The following MIB1 variants were observed in gnomAD, a reference collection of about 807,000 sequenced individuals.
MIB1 encodes the protein E3 ubiquitin-protein ligase MIB1.
Under a neutral mutation model 124.5 loss-of-function variants are expected in MIB1, and 278 were observed. The ratio of observed to expected loss-of-function variants is 2.23; its 90% CI spans 2.02 to 2.47. The LOEUF is 2.47. MIB1 is among the 30% of genes most tolerant of loss of function. The probability of loss-of-function intolerance (pLI) is 0.00; values close to 1 mark genes in which losing one functional copy is unlikely to be tolerated. For synonymous variants in MIB1, 446 were observed against 429.4 expected (o/e 1.04, Z -0.48); for missense variants, 957 against 1,254.4 (o/e 0.76, Z 3.58).
upstream of MIB1, among the ~76,000 whole-genome samples, chr18:21,737,360 C>A (rs1168204027): frequency 2.0e-5 from 3 of 152,112 alleles, no homozygotes; most frequent in Non-Finnish European, 2.9e-5. Context: ...CCAGGCCTGC[C>A]TTATAAGAGC....
Position 21,741,526 on chromosome 18 carries a change from C to G in MIB1, c.-58C>G. The stretch of plus-strand genomic sequence containing the variant: ...CCGGGCCCAACTCCCTCACGGGCCC[C>G]CCGGCGGCAGCGGCGGCGGCGGCGG... On this transcript the variant is annotated 5_prime_UTR_variant, in exon 1 of 21. Transcript: ENST00000261537. This position sits in a 1 kb window ranked among gnomAD's most constrained non-coding sequence, Gnocchi z 5.4. The G allele has an allele frequency of 7.9e-7, 1 of 1,267,768 alleles. No individual in the cohort carries two copies. The highest frequency in any genetic ancestry group is 3.3e-5 in the East Asian group (1 of 30,354). 78.5% of individuals were successfully genotyped at this position (1,267,768 alleles called of 1,614,324 possible). A position where few individuals can be genotyped will look rare whatever the true frequency, so the allele number is the denominator to read the frequency against.
chr18:21,739,792 G>C (rs1201239633), upstream of MIB1, among the ~76,000 whole-genome samples: 3 of 151,938 alleles, frequency 2.0e-5, 1 homozygote, highest in African/African-American at 7.3e-5. Flanking sequence ...GTGCGTTCCT[G>C]AGGTCCCAGC....
chr18:21,860,098 CTTTTTTTTTTTTTTTTTTTTT>C (rs398032096), intron 20 of MIB1, among the ~76,000 whole-genome samples: 1 of 26,460 alleles, frequency 3.8e-5, no homozygotes, highest in African/African-American at 1.2e-4. Flanking sequence ...TTCTTTATGT[CTTTTTTTTTTTTTTTTTTTTT>C]TTTTTTAGAG....
upstream of MIB1, among the ~76,000 whole-genome samples, chr18:21,739,587 G>T (rs921035552): frequency 2.0e-5 from 3 of 152,084 alleles, no homozygotes; most frequent in Admixed American, 6.5e-5. Context: ...ACATCAAAAA[G>T]CTTATCCACC....
intron 1 of MIB1, among the ~76,000 whole-genome samples, chr18:21,761,008 A>AT (rs1283848940): frequency 2.6e-5 from 4 of 152,134 alleles, no homozygotes; most frequent in African/African-American, 7.2e-5. Context: ...TAATTGTGGT[A>AT]TTTTTTGTCG....
chr18:21,799,628 T>C (rs546344528), intron 8 of MIB1, among the ~76,000 whole-genome samples: 2 of 152,178 alleles, frequency 1.3e-5, no homozygotes, highest in Admixed American at 6.5e-5. Context: ...TAATTTGATA[T>C]ACATGAATTG....
chr18:21,857,571 C>T (rs1390597204), intron 19 of MIB1, among the ~76,000 whole-genome samples: 2 of 152,190 alleles, frequency 1.3e-5, no homozygotes, highest in African/African-American at 4.8e-5. Flanking sequence ...GGGTGGGACA[C>T]CATATTACAA....
chr18:21,845,760 A>G (rs1275073804), intron 15 of MIB1, among the ~76,000 whole-genome samples: 3 of 152,074 alleles, frequency 2.0e-5, no homozygotes, highest in African/African-American at 7.2e-5. Flanking sequence ...AGTAGCTGGC[A>G]TTGCAGGTGC....
chr18:21,758,752 C>G (rs746695514), intron 1 of MIB1, among the ~76,000 whole-genome samples: 5 of 152,140 alleles, frequency 3.3e-5, no homozygotes, highest in East Asian at 1.9e-4. Context: ...CCAGACTGGT[C>G]TTGAACGCCT....
intron 1 of MIB1, among the ~76,000 whole-genome samples, chr18:21,734,478 T>TTCTCTCTCTCTCTCTC (rs60128500): frequency 6.0e-5 from 9 of 149,106 alleles, no homozygotes; most frequent in African/African-American, 2.2e-4. Context: ...CTCTCTCTCT[T>TTCTCTCTCTCTCTCTC]TCTCTCTCTC....
chr18:21,711,661 C>T (rs1183482410), intron 1 of MIB1, among the ~76,000 whole-genome samples: 5 of 152,196 alleles, frequency 3.3e-5, no homozygotes, highest in South Asian at 2.1e-4. Context: ...CAAGAGCTCA[C>T]GACTTGTGTC....
Position 21,838,359 on chromosome 18 carries a change from T to A in MIB1, c.1830-6T>A, listed in dbSNP as rs2042052441. On this transcript the variant is annotated splice_polypyrimidine_tract_variant and splice_region_variant and intron_variant, in intron 12 of 20. Transcript: ENST00000261537. Reference sequence around the variant, plus strand: ...AATATAGAAATAATGTGAATTTAACTTTCAGTGCAATGCGTGTTTTACTAT... The same window carrying A: ...AATATAGAAATAATGTGAATTTAACATTCAGTGCAATGCGTGTTTTACTAT... 2 of 1,569,526 alleles carry A rather than the reference T, an allele frequency of 1.3e-6. No individual in the cohort carries two copies. The highest frequency in any genetic ancestry group is 1.7e-6 in the Non-Finnish European group (2 of 1,157,906).
intron 6 of MIB1, among the ~76,000 whole-genome samples, chr18:21,783,092 C>T (rs1029001382): frequency 2.6e-5 from 4 of 152,056 alleles, no homozygotes; most frequent in African/African-American, 7.2e-5. Context: ...ATTATTCCTG[C>T]TCTTTTTTGG....
chr18:21,859,066 G>A (rs2042252002), intron 20 of MIB1, among the ~76,000 whole-genome samples: 1 of 152,226 alleles, frequency 6.6e-6, no homozygotes, highest in Non-Finnish European at 1.5e-5. Flanking sequence ...AATGGAACAG[G>A]TTATTGTTTG....
intron 20 of MIB1, among the ~76,000 whole-genome samples, chr18:21,864,220 C>T (rs955269324): frequency 6.6e-6 from 1 of 152,056 alleles, no homozygotes; most frequent in South Asian, 2.1e-4. Flanking sequence ...AAGTGATTCT[C>T]GCGCCTCAGC....
At chr18:21,823,807 G>C (rs1001595449) in intron 12 of MIB1, among the ~76,000 whole-genome samples, 2 of 152,062 alleles carry the variant, frequency 1.3e-5, no homozygotes, top group African/African-American at 4.8e-5. Context: ...TGTCTGTTCT[G>C]ATAGTTAATA....
chr18:21,856,026 C>T (rs556628982), intron 18 of MIB1, among the ~76,000 whole-genome samples: 97 of 151,252 alleles, frequency 6.4e-4, no homozygotes, highest in African/African-American at 2.3e-3. Flanking sequence ...GTCAGGAGAT[C>T]GAGACCATCC....
chr18:21,765,875 G>A lies in MIB1; in HGVS notation c.333G>A (p.Val111=), dbSNP rs770026342. ...GTACAAATTATGATTTGTGCACAGT[G>A]TGTTATCATGGAGATAAACATCATT... The part of the protein sequence containing the change: ...AECTNYDLCT[V]CYHGDKHHLR... Residue 111 remains valine, a synonymous_variant, in exon 2 of 21, where the codon GTG becomes GTA. Transcript: ENST00000261537. The A allele has an allele frequency of 2.5e-6, 4 of 1,614,118 alleles. No individual in the cohort carries two copies. The South Asian group carries it at 4.4e-5, about 18-fold the overall frequency.
chr18:21,857,596 T>C (rs1432043065), intron 19 of MIB1, among the ~76,000 whole-genome samples: 1 of 152,264 alleles, frequency 6.6e-6, no homozygotes. Context: ...TTTTTCAGTT[T>C]ACTGAAAGTA....
Sources: gnomAD v4.1 joint callset for allele counts (sites outside exome capture counted in the v4.1 genomes callset) on GRCh38, gnomAD v4.1.1 for gene constraint, Gnocchi (gnomAD v3.1) non-coding constraint, MANE v1.5 for transcripts, NCBI Gene and HGNC (gene_info 2026-07-23, HGNC 2026-07-21) for gene names.